Variants in DLGAP2 observed in about 807,000 individuals in gnomAD.
DLGAP2 encodes disks large-associated protein 2.
Under a neutral mutation model 100.3 loss-of-function variants are expected in DLGAP2, and 26 were observed. That is an observed-to-expected ratio of 0.26 (90% confidence interval 0.19 to 0.36). The LOEUF (loss-of-function observed/expected upper bound fraction) is 0.36. Ranked by LOEUF, DLGAP2 falls within the 10% of genes least tolerant of loss-of-function variation. The pLI is 1.00. For synonymous variants in DLGAP2, 886 were observed against 630.1 expected, an observed-to-expected ratio of 1.41 and a Z score of -6.08; for missense variants, 1,858 against 1,453.2, an observed-to-expected ratio of 1.28 and a Z score of -4.53.
intron 3 of DLGAP2, among the ~76,000 whole-genome samples, chr8:1,313,582 A>G (rs973582283): frequency 6.6e-6 from 1 of 152,226 alleles, no homozygotes; most frequent in African/African-American, 2.4e-5. Flanking sequence ...GTGGAACACC[A>G]TAACACTTCC....
At chr8:965,592 C>T (rs1423221651) in intron 2 of DLGAP2, among the ~76,000 whole-genome samples, 53 of 143,506 alleles carry the variant, frequency 3.7e-4, no homozygotes, top group Non-Finnish European at 6.5e-4. Flanking sequence ...CACTGTTCAC[C>T]TCACACGGCT....
chr8:1,476,475 T>A (rs1041654144), intron 3 of DLGAP2, among the ~76,000 whole-genome samples: 1 of 152,098 alleles, frequency 6.6e-6, no homozygotes, highest in Non-Finnish European at 1.5e-5. Context: ...GAGCGCAGCG[T>A]GGGTATTTTG....
chr8:955,679 C>G (rs780893823), intron 2 of DLGAP2, among the ~76,000 whole-genome samples: 7 of 152,140 alleles, frequency 4.6e-5, no homozygotes, highest in Non-Finnish European at 7.3e-5. Flanking sequence ...ACTTAATGTT[C>G]CAGATAAACT....
intron 1 of DLGAP2, among the ~76,000 whole-genome samples, chr8:768,706 C>T (rs1011165691): frequency 6.6e-6 from 1 of 151,968 alleles, no homozygotes; most frequent in Non-Finnish European, 1.5e-5. Flanking sequence ...TTACAGATGG[C>T]GCTGATAATC....
chr8:1,036,988 G>T (rs1802145782), intron 2 of DLGAP2, among the ~76,000 whole-genome samples: 1 of 152,084 alleles, frequency 6.6e-6, no homozygotes, highest in African/African-American at 2.4e-5. Flanking sequence ...GGGCCGTGGA[G>T]CCTCCTGAGC....
At chr8:1,416,622 C>G (rs534984200) in intron 3 of DLGAP2, among the ~76,000 whole-genome samples, 8 of 152,246 alleles carry the variant, frequency 5.3e-5, no homozygotes, top group African/African-American at 1.9e-4. Context: ...TTTTTGTCAC[C>G]TCAACATAGA....
rs1212825168 is a variant in DLGAP2 at position 1,272,415 on chromosome 8, G to A, written c.106+13532G>A. Among the ~76,000 whole-genome samples the A allele has an allele frequency of 1.3e-5, 2 of 151,818 alleles. 1 individual carries two copies. The highest frequency in any genetic ancestry group is 1.3e-4 in the Admixed American group (2 of 15,228). The stretch of plus-strand genomic sequence containing the variant: ...TATATATAGATGTTTTATATATTTA[G>A]AAGTTTTGTATATAGAAGTTATGTA... On this transcript the variant is annotated intron_variant, in intron 3 of 14. Transcript: ENST00000637795.
At chr8:1,107,674 C>G (rs1804821671) in intron 2 of DLGAP2, among the ~76,000 whole-genome samples, 1 of 152,228 alleles carries the variant, frequency 6.6e-6, no homozygotes, top group Admixed American at 6.5e-5. Flanking sequence ...TTCCCCTGCT[C>G]TTCCCTGCTC....
At position 1,530,727 on chromosome 8, in the gene DLGAP2, G is replaced by A. The variant is rs1398846967; in HGVS notation, c.173-17899G>A. On this transcript the variant is annotated intron_variant, in intron 4 of 14. Transcript: ENST00000637795. The stretch of plus-strand genomic sequence containing the variant: ...TGTCCATGAAATCTTCACAATCCAC[G>A]TTCTTCTGCCATGGCTTCAGCCAGT... Among the ~76,000 whole-genome samples the A allele has an allele frequency of 5.9e-5, 9 of 152,166 alleles. No individual in the cohort carries two copies. The South Asian group carries it at 1.0e-3, about 17-fold the overall frequency.
chr8:1,591,080 G>A (rs911526075), intron 6 of DLGAP2, among the ~76,000 whole-genome samples: 5 of 152,186 alleles, frequency 3.3e-5, no homozygotes, highest in East Asian at 3.8e-4. Context: ...ACCCCATGCC[G>A]GCAGCTGCAG....
At chr8:983,519 C>A (rs1225632038) in intron 2 of DLGAP2, among the ~76,000 whole-genome samples, 2 of 152,238 alleles carry the variant, frequency 1.3e-5, no homozygotes, top group Non-Finnish European at 2.9e-5. Flanking sequence ...TTCTTCTGTT[C>A]AAATTCCACC....
intron 2 of DLGAP2, among the ~76,000 whole-genome samples, chr8:1,194,359 G>T (rs1370698613): frequency 1.3e-5 from 2 of 152,082 alleles, no homozygotes; most frequent in African/African-American, 2.4e-5. Flanking sequence ...CAGACAGTCA[G>T]TGGTCGGTTG....
At chr8:1,540,172 C>G (rs1801313212) in intron 4 of DLGAP2, among the ~76,000 whole-genome samples, 1 of 152,214 alleles carries the variant, frequency 6.6e-6, no homozygotes. Flanking sequence ...CCTTAGGTCT[C>G]TGCCCTGGTC....
chr8:990,366 CCCCCTG>C (rs1800634212), intron 2 of DLGAP2, among the ~76,000 whole-genome samples: 1 of 116,126 alleles, frequency 8.6e-6, no homozygotes, highest in Non-Finnish European at 1.8e-5. Flanking sequence ...CTTGCCCGGA[CCCCCTG>C]CACCCCCATA....
At chr8:1,256,033 G>C in intron 2 of DLGAP2, among the ~76,000 whole-genome samples, 1 of 121,678 alleles carries the variant, frequency 8.2e-6, no homozygotes, top group South Asian at 2.9e-4. Flanking sequence ...TCTCCTGCCC[G>C]GGTGCTGTGT....
intron 4 of DLGAP2, among the ~76,000 whole-genome samples, chr8:1,523,875 G>A (rs77378751): frequency 1.2e-4 from 19 of 152,286 alleles, no homozygotes; most frequent in East Asian, 1.2e-3. Context: ...TTCAGTAACC[G>A]CATAGAATTT....
chr8:808,945 C>G (rs979519903), intron 1 of DLGAP2, among the ~76,000 whole-genome samples: 4 of 145,764 alleles, frequency 2.7e-5, no homozygotes, highest in African/African-American at 1.0e-4. Flanking sequence ...TTCGCTCTGT[C>G]CCCCAGGCTG....
chr8:1,289,920 G>C (rs1800021812), intron 3 of DLGAP2, among the ~76,000 whole-genome samples: 1 of 152,198 alleles, frequency 6.6e-6, no homozygotes, highest in Non-Finnish European at 1.5e-5. Context: ...GTATATTCTT[G>C]ACCATCTATT....
intron 3 of DLGAP2, among the ~76,000 whole-genome samples, chr8:1,269,139 C>T (rs1008987743): frequency 1.1e-4 from 16 of 152,194 alleles, no homozygotes; most frequent in African/African-American, 3.1e-4. Context: ...TCGGTGGGCC[C>T]GTCTGCCACC....
Sources: gnomAD v4.1 joint callset for allele counts (sites outside exome capture counted in the v4.1 genomes callset) on GRCh38, gnomAD v4.1.1 for gene constraint, MANE v1.5 for transcripts, NCBI Gene and HGNC (gene_info 2026-07-23, HGNC 2026-07-21) for gene names.